The following NR1D2 variants were observed in gnomAD, a reference collection of about 807,000 sequenced individuals.
NR1D2 encodes the protein V-erbA-related protein 1-related.
A neutral mutation model predicts 52.2 loss-of-function variants in NR1D2; 25 were observed. That is an observed-to-expected ratio of 0.48 (90% CI 0.35 to 0.67). The LOEUF is 0.67. Among genes scored for constraint, NR1D2 ranks in the 30% least tolerant of loss-of-function variants. NR1D2 has a pLI of 0.01. For synonymous variants in NR1D2, 259 were observed against 230.1 expected (o/e 1.13, Z -1.14); for missense variants, 681 against 707.2 (o/e 0.96, Z 0.42).
chr3:23,964,165 G>T (rs1241388038), intron 5 of NR1D2, among the ~76,000 whole-genome samples: 1 of 150,084 alleles, frequency 6.7e-6, no homozygotes, highest in Non-Finnish European at 1.5e-5. Flanking sequence ...TGCAACCTCC[G>T]CCTCCCGGTT....
intron 4 of NR1D2, among the ~76,000 whole-genome samples, chr3:23,961,398 T>C (rs1416923231): frequency 1.4e-5 from 2 of 144,262 alleles, no homozygotes; most frequent in African/African-American, 2.6e-5. Flanking sequence ...TCTTTTTTTT[T>C]TTTTTTTTTT....
chr3:23,945,508 C>G lies in NR1D2; in HGVS notation c.-71C>G. 7 of 946,712 alleles carry G rather than the reference C, an allele frequency of 7.4e-6. No homozygotes were observed. The highest frequency in any genetic ancestry group is 7.8e-6 in the Non-Finnish European group (6 of 773,942). 58.6% of individuals were successfully genotyped at this position (946,712 alleles called of 1,614,324 possible). Reference sequence around the variant, plus strand: ...GCTTCCAGCCCGGGGCGGCGCGGCGCTGAGGCGGCGGCGGCGGCGCTGCCC... The same window carrying G: ...GCTTCCAGCCCGGGGCGGCGCGGCGGTGAGGCGGCGGCGGCGGCGCTGCCC... On this transcript the variant is annotated 5_prime_UTR_variant, in exon 1 of 8. Transcript: ENST00000312521.
chr3:23,959,607 A>C, intron 3 of NR1D2, 64 bp from the exon 4 acceptor site: 1 of 1,495,834 alleles, frequency 6.7e-7, no homozygotes, highest in South Asian at 1.3e-5. Flanking sequence ...GTATGGGAGC[A>C]GTGTTTATAA....
chr3:23,961,201 G>A (rs963875133), intron 4 of NR1D2, among the ~76,000 whole-genome samples: 3 of 151,732 alleles, frequency 2.0e-5, no homozygotes, highest in Non-Finnish European at 4.4e-5. Flanking sequence ...AATTGACAAG[G>A]GCCAGGTGTT....
At chr3:23,952,739 A>C in intron 1 of NR1D2, among the ~76,000 whole-genome samples, 1 of 151,732 alleles carries the variant, frequency 6.6e-6, no homozygotes, top group Non-Finnish European at 1.5e-5. Flanking sequence ...AAAAAAAAAA[A>C]AATCGTGTCT....
intron 3 of NR1D2, 63 bp from the exon 4 acceptor site, chr3:23,959,608 G>A (rs1382490533): frequency 6.6e-7 from 1 of 1,513,664 alleles, no homozygotes; most frequent in Non-Finnish European, 9.0e-7. Context: ...TATGGGAGCA[G>A]TGTTTATAAG....
At chr3:23,976,863 T>G (rs1706737815) in intron 7 of NR1D2, among the ~76,000 whole-genome samples, 1 of 152,236 alleles carries the variant, frequency 6.6e-6, no homozygotes, top group South Asian at 2.1e-4. Context: ...GTATTCCATA[T>G]GTATTGAAAA....
At chr3:23,946,641 A>G (rs1705726698) in intron 1 of NR1D2, 1 of 152,268 alleles carries the variant, frequency 6.6e-6, no homozygotes, top group Non-Finnish European at 1.5e-5. Context: ...ACGTATGGTC[A>G]GGATGACTCA....
chr3:23,945,950 C>T (rs1335988995), intron 1 of NR1D2, among the ~76,000 whole-genome samples: 21 of 151,220 alleles, frequency 1.4e-4, no homozygotes, highest in African/African-American at 4.4e-4. Flanking sequence ...GCTGAGGCGG[C>T]GGCGGCGGGC....
At chr3:23,957,847 C>G (rs549414394) in intron 3 of NR1D2, among the ~76,000 whole-genome samples, 3 of 152,250 alleles carry the variant, frequency 2.0e-5, no homozygotes, top group Admixed American at 6.5e-5. Flanking sequence ...GTGCAGTACT[C>G]TTAAAATGTC....
chr3:23,945,796 C>A (rs1166271794), intron 1 of NR1D2, among the ~76,000 whole-genome samples: 1 of 150,474 alleles, frequency 6.6e-6, no homozygotes, highest in African/African-American at 2.4e-5. Context: ...CCTGCAAAGC[C>A]GCAGCGCGGC....
chr3:23,965,191 G>T, intron 6 of NR1D2, 29 bp downstream of exon 6: 1 of 1,378,432 alleles, frequency 7.3e-7, no homozygotes, highest in Non-Finnish European at 1.0e-6. Flanking sequence ...GAATATTGAT[G>T]CAGGCAGGGC....
chr3:23,945,622 G>GA (rs770058338), intron 1 of NR1D2, 28 bp downstream of exon 1: 1 of 1,151,874 alleles, frequency 8.7e-7, no homozygotes, highest in Non-Finnish European at 1.1e-6. Flanking sequence ...GCGGGTGGGG[G>GA]ATGGCCGGAG....
chr3:23,974,088 CTTTTTTTTTTT>C lies in NR1D2; in HGVS notation c.1544-3119_1544-3109del, dbSNP rs60587118. ...CTGCCTGAGGCTGCTTTACAGTTAC[CTTTTTTTTTTT>C]TTTTTTTTTTTTTTTAAGTAGAAGG... is the stretch of plus-strand genomic sequence containing the variant. On this transcript the variant is annotated intron_variant, in intron 7 of 7. Coordinates refer to ENST00000312521, the MANE Select transcript of NR1D2 (RefSeq NM_005126.5). Among the ~76,000 whole-genome samples, 121 of 79,504 alleles carry C rather than the reference CTTTTTTTTTTT, an allele frequency of 1.5e-3. No homozygotes were observed. The East Asian group carries it at 0.029, about 19-fold the overall frequency. 52.2% of individuals were successfully genotyped at this position (79,504 alleles called of 152,430 possible).
At chr3:23,969,957 T>C (rs1459274598) in intron 7 of NR1D2, among the ~76,000 whole-genome samples, 1 of 151,990 alleles carries the variant, frequency 6.6e-6, no homozygotes, top group African/African-American at 2.4e-5. Context: ...GCCTGGAGTG[T>C]ACATCAAGGA....
chr3:23,963,123 C>G (rs1371563812), intron 5 of NR1D2: 1 of 409,128 alleles, frequency 2.4e-6, no homozygotes, highest in Non-Finnish European at 4.2e-6. Flanking sequence ...AGGCTAATTT[C>G]TAAGGATTTT....
chr3:23,948,427 G>C (rs1215274388), intron 1 of NR1D2, among the ~76,000 whole-genome samples: 2 of 152,178 alleles, frequency 1.3e-5, no homozygotes, highest in Admixed American at 6.5e-5. Flanking sequence ...CTGGTCAGTA[G>C]GGTTAAGAGA....
In NR1D2 at chr3:23,947,249, A is replaced by G. The variant is rs140823039; in HGVS notation, c.16+1655A>G. Among the ~76,000 whole-genome samples the G allele has an allele frequency of 2.0e-4, 31 of 152,316 alleles. No homozygotes were observed. The East Asian group carries it at 5.8e-3, about 28-fold the overall frequency. The stretch of plus-strand genomic sequence containing the variant: ...TAGTAACCTCATAAGGGCTGGCTCA[A>G]TTAGGAAGTTTTTCTCTGGTTTGAG... On this transcript the variant is annotated intron_variant, in intron 1 of 7. Transcript: ENST00000312521.
chr3:23,955,966 ATATC>A (rs1170483684), intron 2 of NR1D2, 67 bp from the exon 3 acceptor site: 8 of 1,061,186 alleles, frequency 7.5e-6, no homozygotes, highest in South Asian at 1.3e-5. Flanking sequence ...ATGAAATAAA[ATATC>A]TAATTGGAAA....
Sources: gnomAD v4.1 joint callset for allele counts (sites outside exome capture counted in the v4.1 genomes callset) on GRCh38, gnomAD v4.1.1 for gene constraint, MANE v1.5 for transcripts, NCBI Gene and HGNC (gene_info 2026-07-23, HGNC 2026-07-21) for gene names.